EPCAM: variants seen among roughly 807,000 people sequenced by gnomAD.
The protein encoded by EPCAM is adenocarcinoma-associated antigen.
EPCAM carries 39 observed loss-of-function variants against 40.0 expected under a neutral mutation model. The observed-to-expected ratio is 0.98, with a 90% CI of 0.76 to 1.27. The LOEUF (loss-of-function observed/expected upper bound fraction) is 1.27, where lower values mean the gene tolerates loss of function less well. Ranked by LOEUF, EPCAM falls within the 50% of genes most tolerant of loss-of-function variation. The pLI is 0.00. For missense variants in EPCAM, 503 were observed against 381.2 expected, an observed-to-expected ratio of 1.32 and a Z score of -2.66; for synonymous variants, 168 against 132.3, an observed-to-expected ratio of 1.27 and a Z score of -1.85.
rs150173253 is a variant in EPCAM at position 47,378,139 on chromosome 2, G to C, written c.556-814G>C. Among the ~76,000 whole-genome samples the C allele has an allele frequency of 9.7e-3, 1,469 of 152,116 alleles. 28 individuals are homozygous for C. The highest frequency in any genetic ancestry group is 0.032 in the African/African-American group (1,317 of 41,526). On this transcript the variant is annotated intron_variant, in intron 5 of 8. Coordinates refer to ENST00000263735, the MANE Select transcript of EPCAM (RefSeq NM_002354.3). ...CCAGCTACTCGGGAGGCTTGAGGCAGGAGTATGGCGTGAACCTGAGAGGCG... is the reference window on the plus strand; with the variant it reads ...CCAGCTACTCGGGAGGCTTGAGGCACGAGTATGGCGTGAACCTGAGAGGCG...
Position 47,385,219 on chromosome 2 carries a change from A to T in EPCAM, c.903+9A>T, listed in dbSNP as rs863224391. 5.6e-6 allele frequency: 9 copies of T among 1,607,156 alleles called. No individual in the cohort carries two copies. The highest frequency in any genetic ancestry group is 7.7e-6 in the Non-Finnish European group (9 of 1,173,948). On this transcript the variant is annotated intron_variant, in intron 8 of 8. Transcript: ENST00000263735. ...AGTATGAGAAGGCTGAGGTAAATGG[A>T]TTACTTACCTAAATAGAAAGGCCCT...
intron 7 of EPCAM, among the ~76,000 whole-genome samples, chr2:47,384,929 A>G (rs557456928): frequency 2.9e-4 from 44 of 150,368 alleles, no homozygotes; most frequent in Non-Finnish European, 5.6e-4. Context: ...CTGGTCTGAA[A>G]CTCCTGACCT....
intron 3 of EPCAM, among the ~76,000 whole-genome samples, chr2:47,374,364 A>T (rs536824897): frequency 2.6e-5 from 4 of 152,094 alleles, no homozygotes; most frequent in Non-Finnish European, 5.9e-5. Context: ...TCAGTATTTC[A>T]TTGTTGCATT....
At chr2:47,381,392 CAAAA>C (rs370875469) in intron 7 of EPCAM, among the ~76,000 whole-genome samples, 2 of 74,354 alleles carry the variant, frequency 2.7e-5, no homozygotes, top group African/African-American at 4.6e-5. Flanking sequence ...AACTCCGTCT[CAAAA>C]AAAAAAAAAA....
Position 47,386,717 on chromosome 2 carries a change from A to T in EPCAM, c.*104A>T, listed in dbSNP as rs1671751385. Reference sequence around the variant, plus strand: ...CATCTTTGAAGGTCATGAGTTTGTTAGTTTAACATCATATATTTGTAATAG... The same window carrying T: ...CATCTTTGAAGGTCATGAGTTTGTTTGTTTAACATCATATATTTGTAATAG... On this transcript the variant is annotated 3_prime_UTR_variant, in exon 9 of 9. Transcript: ENST00000263735. The T allele has an allele frequency of 1.1e-6, 1 of 891,022 alleles. No individual in the cohort carries two copies. The allele number at this position is 891,022 out of a possible 1,614,324, so 55.2% of individuals were successfully genotyped here.
At position 47,379,189 on chromosome 2, in the gene EPCAM, C is replaced by T. The variant is rs148194075; in HGVS notation, c.657+135C>T. ...TCGCTGCTGCCGTTAATTTTGTCCT[C>T]CCTGTCACTCACATGCATCTTGCTT... On this transcript the variant is annotated intron_variant, in intron 6 of 8. Coordinates refer to ENST00000263735, the MANE Select transcript of EPCAM (RefSeq NM_002354.3). 41 of 668,834 alleles carry T rather than the reference C, an allele frequency of 6.1e-5. No individual in the cohort carries two copies. The African/African-American group carries it at 6.2e-4, about 10-fold the overall frequency. The allele number at this position is 668,834 out of a possible 1,614,324, so 41.4% of individuals were successfully genotyped here.
rs1367094459 is a variant in EPCAM, at chr2:47,384,681, G to T, written c.859-485G>T. 2.0e-5 allele frequency among the ~76,000 whole-genome samples: 3 copies of T among 151,828 alleles called. No homozygotes were observed. The East Asian group carries it at 5.8e-4, about 29-fold the overall frequency. On this transcript the variant is annotated intron_variant, in intron 7 of 8. Coordinates refer to ENST00000263735, the MANE Select transcript of EPCAM (RefSeq NM_002354.3). Reference sequence around the variant, plus strand: ...GATCCGCCCACCTCGGCCCCACAAAGTACCGGTGAGCCACCACGCCCAGCC... The same window carrying T: ...GATCCGCCCACCTCGGCCCCACAAATTACCGGTGAGCCACCACGCCCAGCC...
At chr2:47,374,095 A>G in intron 3 of EPCAM, 47 bp downstream of exon 3, 1 of 1,596,804 alleles carries the variant, frequency 6.3e-7, no homozygotes. Context: ...GTTCAGATTC[A>G]TTTAATTAAA....
rs1441698493 is a variant in EPCAM, at chr2:47,373,933, C to G, written c.310C>G (p.Leu104Val). Residue 104 changes from leucine (L) to valine (V), a missense_variant, in exon 3 of 9, where the codon CTC becomes GTC. Coordinates refer to ENST00000263735, the MANE Select transcript of EPCAM (RefSeq NM_002354.3). ...TGATCCTGACTGCGATGAGAGCGGG[C>G]TCTTTAAGGCCAAGCAGTGCAACGG... ...LYDPDCDESG[L>V]FKAKQCNGTS... The G allele has an allele frequency of 6.2e-7, 1 of 1,613,934 alleles. No individual in the cohort carries two copies. Among genetic ancestry groups the G allele is most frequent in the South Asian group, 1.1e-5 (1 of 91,076 alleles).
intron 7 of EPCAM, among the ~76,000 whole-genome samples, chr2:47,381,575 G>T (rs891693090): frequency 1.3e-5 from 2 of 152,012 alleles, no homozygotes; most frequent in African/African-American, 2.4e-5. Flanking sequence ...GCTGTGTGAG[G>T]GTGGCATGTC....
rs939350013 is a variant in EPCAM, at chr2:47,377,111, A to G, written c.555+34A>G. 11 of 1,346,598 alleles carry G rather than the reference A, an allele frequency of 8.2e-6. No homozygotes were observed. In the African/African-American group the frequency reaches 1.6e-4, roughly 19 times the overall value. 83.4% of individuals were successfully genotyped at this position (1,346,598 alleles called of 1,614,324 possible). ...TTTTAATAAGTGAGCTTTAGCAGAC[A>G]GTTGGTGAGACAGTATGTTTTGAGT... On this transcript the variant is annotated intron_variant, in intron 5 of 8. Transcript: ENST00000263735.
chr2:47,385,498 C>T lies in EPCAM; in HGVS notation c.903+288C>T, dbSNP rs79294880. The stretch of plus-strand genomic sequence containing the variant: ...AACAGAATCTTCTGAAGGCATACTC[C>T]AGTGGATTCACCTTGGAGAAACTCA... On this transcript the variant is annotated intron_variant, in intron 8 of 8. Coordinates refer to ENST00000263735, the MANE Select transcript of EPCAM (RefSeq NM_002354.3). Among the ~76,000 whole-genome samples, 992 of 152,256 alleles carry T rather than the reference C, an allele frequency of 6.5e-3. 10 individuals carry two copies. Among genetic ancestry groups the T allele is most frequent in the African/African-American group, 0.023 (943 of 41,544 alleles).
intron 7 of EPCAM, among the ~76,000 whole-genome samples, chr2:47,383,727 CA>C (rs1671662476): frequency 7.1e-6 from 1 of 141,468 alleles, no homozygotes; most frequent in Admixed American, 7.3e-5. Flanking sequence ...CTCCATCTCC[CA>C]GGTTCAAGCC....
At chr2:47,380,172 C>T (rs756559089) in intron 7 of EPCAM, among the ~76,000 whole-genome samples, 1 of 151,970 alleles carries the variant, frequency 6.6e-6, no homozygotes, top group Non-Finnish European at 1.5e-5. Context: ...AAAAATTAGT[C>T]AGATGTGATG....
intron 7 of EPCAM, among the ~76,000 whole-genome samples, chr2:47,384,897 G>A (rs1178567170): frequency 1.3e-5 from 2 of 152,004 alleles, no homozygotes; most frequent in East Asian, 1.9e-4. Flanking sequence ...AGTAGAGATG[G>A]GGTTTCACCG....
Position 47,375,977 on chromosome 2 carries a change from T to TA in EPCAM, c.491+679dup, listed in dbSNP as rs1328520382. ...CCTCTGCCTCCCAAAGTGCTGCAAT[T>TA]ACAGGTGTGAGCTTCCGCGCCCGGC... On this transcript the variant is annotated intron_variant, in intron 4 of 8. Transcript: ENST00000263735. Among the ~76,000 whole-genome samples the TA allele has an allele frequency of 2.0e-5, 3 of 152,050 alleles. No individual in the cohort carries two copies. In the East Asian group the frequency reaches 5.8e-4, roughly 29 times the overall value.
In EPCAM at chr2:47,383,607, CTTTTTTTTTTTTTTTTTTTTTTTTTTT is replaced by C. The variant is rs760722807; in HGVS notation, c.859-1540_859-1514del. On this transcript the variant is annotated intron_variant, in intron 7 of 8. Transcript: ENST00000263735. ...CATGAGCCACTGTGCCCGGCTTCTT[CTTTTTTTTTTTTTTTTTTTTTTTTTTT>C]TTTTTTTTTTTTTTTTTTGAGATGG... Among the ~76,000 whole-genome samples the C allele has an allele frequency of 2.7e-3, 99 of 36,472 alleles. 1 individual carries two copies. The highest frequency in any genetic ancestry group is 4.4e-3 in the South Asian group (4 of 900). 23.9% of individuals were successfully genotyped at this position (36,472 alleles called of 152,430 possible). A position where few individuals can be genotyped will look rare whatever the true frequency, so the allele number is the denominator to read the frequency against.
At chr2:47,374,484 C>G (rs1194507944) in intron 3 of EPCAM, among the ~76,000 whole-genome samples, 2 of 152,126 alleles carry the variant, frequency 1.3e-5, no homozygotes, top group Non-Finnish European at 2.9e-5. Context: ...GAAACCCACT[C>G]AAGCTAGCTT....
At chr2:47,384,806 AAGCAATTCTGGTGCCTT>A (rs1224508184) in intron 7 of EPCAM, among the ~76,000 whole-genome samples, 1 of 152,166 alleles carries the variant, frequency 6.6e-6, no homozygotes, top group Admixed American at 6.6e-5. Flanking sequence ...TCCTGGGTTC[AAGCAATTCTGGTGCCTT>A]AGCCTCCTGA....
Sources: allele counts gnomAD v4.1 joint callset (sites outside exome capture counted in the v4.1 genomes callset), GRCh38; gene constraint gnomAD v4.1.1; transcripts MANE v1.5; gene names NCBI Gene and HGNC (gene_info 2026-07-23, HGNC 2026-07-21).